Variants in TBC1D22B observed in about 807,000 individuals in gnomAD.
TBC1D22B encodes chromosome 6 open reading frame 197.
Under a neutral mutation model 69.1 loss-of-function variants are expected in TBC1D22B, and 32 were observed. The ratio of observed to expected loss-of-function variants is 0.46; its 90% CI spans 0.35 to 0.62. The LOEUF (loss-of-function observed/expected upper bound fraction) is 0.62. Ranked by LOEUF, TBC1D22B falls within the 20% of genes least tolerant of loss-of-function variation. The pLI is 0.00. For missense variants in TBC1D22B, 462 were observed against 630.9 expected (o/e 0.73, Z 2.87); for synonymous variants, 206 against 229.8 (o/e 0.90, Z 0.94).
At position 37,301,942 on chromosome 6, in the gene TBC1D22B, C is replaced by G. The variant is rs539448861; in HGVS notation, c.982+10585C>G. Reference sequence around the variant, plus strand: ...TAGGTCTCTCCAGGCATCCTTACCCCACTGCCCCATCTCACTGAATCATAG... The same window carrying G: ...TAGGTCTCTCCAGGCATCCTTACCCGACTGCCCCATCTCACTGAATCATAG... On this transcript the variant is annotated intron_variant, in intron 8 of 12. Transcript: ENST00000373491. Among the ~76,000 whole-genome samples, 4 of 152,264 alleles carry G rather than the reference C, an allele frequency of 2.6e-5. No homozygotes were observed. In the East Asian group the frequency reaches 7.7e-4, roughly 29 times the overall value.
intron 10 of TBC1D22B, among the ~76,000 whole-genome samples, chr6:37,315,521 T>G (rs570253376): frequency 1.3e-5 from 2 of 151,688 alleles, no homozygotes; most frequent in African/African-American, 4.8e-5. Context: ...CGCACCACTG[T>G]ATTCCAGCCA....
intron 2 of TBC1D22B, 137 bp downstream of exon 2, chr6:37,269,787 TGTTC>T (rs1442529239): frequency 2.7e-6 from 2 of 752,116 alleles, no homozygotes; most frequent in Non-Finnish European, 4.6e-6. Context: ...AGATGAGCAA[TGTTC>T]TTACTTCCAA....
chr6:37,284,419 T>C lies in TBC1D22B; in HGVS notation c.756T>C (p.Tyr252=), dbSNP rs1366987075. 2.5e-6 allele frequency: 4 copies of C among 1,609,000 alleles called. No homozygotes were observed. The highest frequency in any genetic ancestry group is 3.4e-6 in the Non-Finnish European group (4 of 1,178,126). The change falls in exon 6 of 13, where the codon TAT becomes TAC. Residue 252 remains tyrosine, a synonymous_variant. Coordinates refer to ENST00000373491, the MANE Select transcript of TBC1D22B (RefSeq NM_017772.4). ...REEYFGFIEQ[Y]YDSRNEEHHQ... ...AATATTTTGGCTTCATTGAACAGTA[T>C]TATGACTCTCGAAACGAGGAACATC...
chr6:37,320,950 G>A (rs978172925), intron 12 of TBC1D22B, among the ~76,000 whole-genome samples: 14 of 152,184 alleles, frequency 9.2e-5, no homozygotes, highest in Admixed American at 5.2e-4. Flanking sequence ...CCTGCCCTCA[G>A]CCTGGGCTAG....
chr6:37,296,802 G>A (rs921244502), intron 8 of TBC1D22B, among the ~76,000 whole-genome samples: 2 of 149,974 alleles, frequency 1.3e-5, no homozygotes, highest in South Asian at 4.2e-4. Context: ...ATACACACAC[G>A]TGCACACACA....
At chr6:37,276,389 T>G (rs552790088) in intron 2 of TBC1D22B, among the ~76,000 whole-genome samples, 1 of 152,328 alleles carries the variant, frequency 6.6e-6, no homozygotes, top group South Asian at 2.1e-4. Flanking sequence ...AGCTGACTTT[T>G]AAATTGGTTG....
At position 37,266,930 on chromosome 6, in the gene TBC1D22B, C is replaced by CTTTTTTT. The variant is rs35702920; in HGVS notation, c.57-2646_57-2640dup. 1.2e-3 allele frequency among the ~76,000 whole-genome samples: 64 copies of CTTTTTTT among 54,850 alleles called. 1 individual carries two copies. Among genetic ancestry groups the CTTTTTTT allele is most frequent in the African/African-American group, 2.4e-3 (32 of 13,336 alleles). 36.0% of individuals were successfully genotyped at this position (54,850 alleles called of 152,430 possible). ...GTTCAATTTTTAATATTTTCTTCGT[C>CTTTTTTT]TTTTTTTTTTTTTTTTTTTTTTTTG... is the stretch of plus-strand genomic sequence containing the variant. On this transcript the variant is annotated intron_variant, in intron 1 of 12. Transcript: ENST00000373491.
At chr6:37,279,690 GC>G in intron 3 of TBC1D22B, 79 bp downstream of exon 3, 1 of 1,418,082 alleles carries the variant, frequency 7.1e-7, no homozygotes, top group East Asian at 2.3e-5. Context: ...TTTCTTTGGG[GC>G]CTCACTCAGG....
intron 8 of TBC1D22B, among the ~76,000 whole-genome samples, chr6:37,308,386 A>G (rs1167890085): frequency 6.6e-6 from 1 of 152,042 alleles, no homozygotes; most frequent in Non-Finnish European, 1.5e-5. Context: ...CCCTTTCTCC[A>G]CTGCTTTTTG....
At chr6:37,292,423 T>C (rs770654945) in intron 8 of TBC1D22B, among the ~76,000 whole-genome samples, 1 of 152,148 alleles carries the variant, frequency 6.6e-6, no homozygotes, top group Non-Finnish European at 1.5e-5. Context: ...CTCAGAAAAT[T>C]AAGAATTAAG....
chr6:37,288,978 C>T (rs1383462113), intron 7 of TBC1D22B, among the ~76,000 whole-genome samples: 1 of 152,002 alleles, frequency 6.6e-6, no homozygotes, highest in Non-Finnish European at 1.5e-5. Flanking sequence ...AACCTCTACT[C>T]CCCGGGCTCA....
chr6:37,288,074 G>T (rs188132080), intron 7 of TBC1D22B, among the ~76,000 whole-genome samples: 146 of 152,308 alleles, frequency 9.6e-4, no homozygotes, highest in African/African-American at 3.3e-3. Context: ...GGAACTTTCA[G>T]TTCTCATAGT....
chr6:37,260,896 A>G (rs1766070153), intron 1 of TBC1D22B, among the ~76,000 whole-genome samples: 1 of 152,150 alleles, frequency 6.6e-6, no homozygotes, highest in African/African-American at 2.4e-5. Context: ...GTTGATGGAT[A>G]TTTGAATTGT....
intron 8 of TBC1D22B, among the ~76,000 whole-genome samples, chr6:37,306,808 G>A (rs76000134): frequency 0.012 from 1,789 of 152,256 alleles, 29 homozygotes; most frequent in African/African-American, 0.037. Context: ...TGATTGACAG[G>A]CACAGTGTCA....
At chr6:37,327,125 T>C (rs112070868) in intron 12 of TBC1D22B, among the ~76,000 whole-genome samples, 21 of 151,810 alleles carry the variant, frequency 1.4e-4, no homozygotes, top group African/African-American at 4.8e-4. Flanking sequence ...GGCCAGGGAG[T>C]ACATGGTGGC....
At chr6:37,313,781 G>C (rs369964819) in intron 9 of TBC1D22B, 35 bp from the exon 10 acceptor site, 11 of 1,601,490 alleles carry the variant, frequency 6.9e-6, no homozygotes, top group African/African-American at 1.3e-5. Context: ...ACAAGTTAGA[G>C]TCCATGTTCA....
rs555061202 is a variant in TBC1D22B, at chr6:37,295,187, C to T, written c.982+3830C>T. The stretch of plus-strand genomic sequence containing the variant: ...GTGTAATCATAGCTCAAACTGTAAC[C>T]TCAAACTCCTGGGCTCAAGTGATCC... On this transcript the variant is annotated intron_variant, in intron 8 of 12. Coordinates refer to ENST00000373491, the MANE Select transcript of TBC1D22B (RefSeq NM_017772.4). Among the ~76,000 whole-genome samples the T allele has an allele frequency of 5.9e-4, 89 of 152,136 alleles. 1 individual carries two copies. The highest frequency in any genetic ancestry group is 2.1e-3 in the African/African-American group (86 of 41,512).
chr6:37,312,993 G>T lies in TBC1D22B; in HGVS notation c.1058G>T (p.Trp353Leu). 6.2e-7 allele frequency: 1 copy of T among 1,614,164 alleles called. No individual in the cohort carries two copies. The highest frequency in any genetic ancestry group is 8.5e-7 in the Non-Finnish European group (1 of 1,180,018). Residue 353 changes from tryptophan (W) to leucine (L), a missense_variant, in exon 9 of 13, where the codon TGG becomes TTG. Around this residue, in one of 2 missense-constraint regions of TBC1D22B, gnomAD observed 225 missense variants for 375.4 expected, o/e 0.60. Transcript: ENST00000373491. ...MLRSIEADSF[W>L]CMSKLLDGIQ... ...CGAAGCATTGAGGCTGACAGCTTTT[G>T]GTGCATGAGCAAGCTGCTGGATGGA...
At chr6:37,265,514 A>G (rs565244717) in intron 1 of TBC1D22B, among the ~76,000 whole-genome samples, 79 of 149,110 alleles carry the variant, frequency 5.3e-4, no homozygotes, top group Non-Finnish European at 8.9e-4. Context: ...GCTAATGTGC[A>G]TATCAGTAGC....
Sources: gnomAD v4.1 joint callset for allele counts (sites outside exome capture counted in the v4.1 genomes callset) on GRCh38, gnomAD v4.1.1 for gene constraint, gnomAD v4.1.1 regional missense constraint, MANE v1.5 for transcripts, NCBI Gene and HGNC (gene_info 2026-07-23, HGNC 2026-07-21) for gene names.